Variants in TRPC4 observed in about 807,000 individuals in gnomAD.
The protein encoded by TRPC4 is short transient receptor potential channel 4.
Under a neutral mutation model 99.4 loss-of-function variants are expected in TRPC4, and 49 were observed. The ratio of observed to expected loss-of-function variants is 0.49; its 90% CI spans 0.39 to 0.63. TRPC4 has a LOEUF of 0.63. TRPC4 is among the 20% of genes least tolerant of loss of function. The probability of loss-of-function intolerance (pLI) is 0.00; values close to 1 mark genes in which losing one functional copy is unlikely to be tolerated. For synonymous variants in TRPC4, 454 were observed against 425.9 expected (o/e 1.07, Z -0.81); for missense variants, 898 against 1,152.9 (o/e 0.78, Z 3.20).
In TRPC4 at chr13:37,747,236, G is replaced by A. The variant is rs1476050531; in HGVS notation, c.379-781C>T. On this transcript the variant is annotated intron_variant, in intron 2 of 10. Coordinates refer to ENST00000379705, the MANE Select transcript of TRPC4 (RefSeq NM_016179.4). ...AATAGCCGCCATTTAGTAAGCATCTGCCAGGTACATTAACCCTCACCCTTT... is the reference window on the plus strand; with the variant it reads ...AATAGCCGCCATTTAGTAAGCATCTACCAGGTACATTAACCCTCACCCTTT... 3.3e-5 allele frequency among the ~76,000 whole-genome samples: 5 copies of A among 152,214 alleles called. No homozygotes were observed. The East Asian group carries it at 9.7e-4, about 30-fold the overall frequency.
chr13:37,816,864 G>GA (rs1389292099), intron 1 of TRPC4, among the ~76,000 whole-genome samples: 1 of 151,756 alleles, frequency 6.6e-6, no homozygotes, highest in Non-Finnish European at 1.5e-5. Context: ...GATATTGAAG[G>GA]AAAATACCTC....
chr13:37,824,590 T>C (rs1336523021), intron 1 of TRPC4, among the ~76,000 whole-genome samples: 8 of 152,004 alleles, frequency 5.3e-5, no homozygotes, highest in East Asian at 3.9e-4. Flanking sequence ...GATTTGCGTA[T>C]ATTGAACCAG....
At chr13:37,695,858 T>C (rs1038434466) in intron 3 of TRPC4, among the ~76,000 whole-genome samples, 13 of 152,068 alleles carry the variant, frequency 8.5e-5, no homozygotes, top group African/African-American at 2.7e-4. Flanking sequence ...TAAAATTAAC[T>C]ACTCGAAACA....
chr13:37,748,206 G>A (rs1004616518), intron 2 of TRPC4, among the ~76,000 whole-genome samples: 1 of 152,106 alleles, frequency 6.6e-6, no homozygotes, highest in Non-Finnish European at 1.5e-5. Context: ...TGGATATGAG[G>A]AGACTACTGT....
At position 37,673,513 on chromosome 13, in the gene TRPC4, A is replaced by G. The variant is rs536919379; in HGVS notation, c.1374+715T>C. ...ATTAACTAGTTATTTTGAAACTTTT[A>G]TTTTTTTAAAGAGAAAAGGAAAGGG... On this transcript the variant is annotated intron_variant, in intron 5 of 10. Coordinates refer to ENST00000379705, the MANE Select transcript of TRPC4 (RefSeq NM_016179.4). Among the ~76,000 whole-genome samples the G allele has an allele frequency of 1.3e-4, 19 of 149,882 alleles. No individual in the cohort carries two copies. In the South Asian group the frequency reaches 3.4e-3, roughly 27 times the overall value.
chr13:37,684,794 TACACACAC>T (rs57132536), intron 4 of TRPC4, among the ~76,000 whole-genome samples: 3,053 of 140,734 alleles, frequency 0.022, 54 homozygotes, highest in African/African-American at 0.054. Flanking sequence ...GAGTACCCCT[TACACACAC>T]ACACACACAC....
chr13:37,643,794 T>C (rs540142868), intron 8 of TRPC4, among the ~76,000 whole-genome samples: 3 of 152,314 alleles, frequency 2.0e-5, no homozygotes, highest in East Asian at 1.9e-4. Flanking sequence ...TGTAATTTCA[T>C]TGATAGTCAT....
intron 1 of TRPC4, among the ~76,000 whole-genome samples, chr13:37,810,446 A>G (rs983146082): frequency 2.0e-5 from 3 of 152,022 alleles, no homozygotes; most frequent in Admixed American, 2.0e-4. Context: ...TAAATATTAT[A>G]TTATAACCTA....
At chr13:37,808,643 G>C (rs1957592865) in intron 1 of TRPC4, among the ~76,000 whole-genome samples, 1 of 151,976 alleles carries the variant, frequency 6.6e-6, no homozygotes, top group Non-Finnish European at 1.5e-5. Context: ...GTTGATGCAG[G>C]AATATAAAGT....
intron 4 of TRPC4, among the ~76,000 whole-genome samples, chr13:37,689,696 C>T (rs1953616409): frequency 6.6e-6 from 1 of 152,206 alleles, no homozygotes; most frequent in African/African-American, 2.4e-5. Context: ...TTCCAGCCAA[C>T]TTCCATGAAA....
chr13:37,730,836 G>T (rs150131917), intron 3 of TRPC4, among the ~76,000 whole-genome samples: 4 of 151,998 alleles, frequency 2.6e-5, no homozygotes, highest in African/African-American at 4.8e-5. Context: ...GTCGAAAATT[G>T]ATCAGAATAA....
At chr13:37,669,216 G>T (rs1000700950) in intron 5 of TRPC4, among the ~76,000 whole-genome samples, 2 of 152,030 alleles carry the variant, frequency 1.3e-5, no homozygotes, top group African/African-American at 4.8e-5. Context: ...AGCGAAAAAG[G>T]AATTAAAATC....
Position 37,688,727 on chromosome 13 carries a change from C to G in TRPC4, c.1234+3272G>C, listed in dbSNP as rs184284383. ...ATTACTTTATACAACAAGCAGCTCA[C>G]AGAGGTGATCTGGTTTGAAAATCTA... is the stretch of plus-strand genomic sequence containing the variant. On this transcript the variant is annotated intron_variant, in intron 4 of 10. Coordinates refer to ENST00000379705, the MANE Select transcript of TRPC4 (RefSeq NM_016179.4). 2.9e-4 allele frequency among the ~76,000 whole-genome samples: 44 copies of G among 152,208 alleles called. 1 individual carries two copies. The highest frequency in any genetic ancestry group is 1.8e-3 in the Admixed American group (28 of 15,298).
At chr13:37,715,980 C>T (rs908398936) in intron 3 of TRPC4, among the ~76,000 whole-genome samples, 3 of 152,140 alleles carry the variant, frequency 2.0e-5, no homozygotes, top group African/African-American at 4.8e-5. Context: ...ATTTTAGGAG[C>T]CAAGGCGTAC....
Position 37,637,542 on chromosome 13 carries a change from C to T in TRPC4, c.2295G>A (p.Ala765=), listed in dbSNP as rs776443992. ...RGSKLSTIQS[A]NASKESSNSA... is the part of the protein sequence containing the mutation. Reference sequence around the variant, plus strand: ...AATTTGAAGACTCCTTCGAGGCATTCGCAGATTGTATTGTGGAAAGTTTGC... The same window carrying T: ...AATTTGAAGACTCCTTCGAGGCATTTGCAGATTGTATTGTGGAAAGTTTGC... Residue 765 remains alanine (A), a synonymous_variant, in exon 11 of 11, where the codon GCG becomes GCA. Coordinates refer to ENST00000379705, the MANE Select transcript of TRPC4 (RefSeq NM_016179.4). 1 of 1,613,560 alleles carries T rather than the reference C, an allele frequency of 6.2e-7. No homozygotes were observed. The highest frequency in any genetic ancestry group is 1.7e-5 in the Admixed American group (1 of 59,940).
intron 1 of TRPC4, among the ~76,000 whole-genome samples, chr13:37,785,059 G>T (rs1956935137): frequency 6.6e-6 from 1 of 152,082 alleles, no homozygotes; most frequent in Non-Finnish European, 1.5e-5. Flanking sequence ...CTTTAGTATT[G>T]TGGGGATGCT....
At chr13:37,771,902 A>G (rs1017634017) in intron 2 of TRPC4, among the ~76,000 whole-genome samples, 2 of 151,828 alleles carry the variant, frequency 1.3e-5, no homozygotes, top group South Asian at 2.1e-4. Flanking sequence ...AGAGTTCACA[A>G]TGCTTCAAGA....
chr13:37,670,229 C>T (rs1054158526), intron 5 of TRPC4, among the ~76,000 whole-genome samples: 22 of 152,192 alleles, frequency 1.4e-4, no homozygotes, highest in African/African-American at 5.1e-4. Context: ...TCTATTGTGA[C>T]AAGCCGAGGT....
At chr13:37,686,480 G>A (rs1953485695) in intron 4 of TRPC4, among the ~76,000 whole-genome samples, 1 of 151,578 alleles carries the variant, frequency 6.6e-6, no homozygotes, top group Non-Finnish European at 1.5e-5. Context: ...CATCCATATA[G>A]TATTATTTGA....
Sources: gnomAD v4.1 joint callset for allele counts (sites outside exome capture counted in the v4.1 genomes callset) on GRCh38, gnomAD v4.1.1 for gene constraint, MANE v1.5 for transcripts, NCBI Gene and HGNC (gene_info 2026-07-23, HGNC 2026-07-21) for gene names.